The following MACROD2 variants were observed in gnomAD, a reference collection of about 807,000 sequenced individuals.
MACROD2 encodes ADP-ribose glycohydrolase MACROD2.
MACROD2 carries 36 observed loss-of-function variants against 70.4 expected under a neutral mutation model. The ratio of observed to expected loss-of-function variants is 0.51; its 90% CI spans 0.39 to 0.68. MACROD2 has a LOEUF of 0.68. MACROD2 is among the 30% of genes least tolerant of loss of function. The probability of loss-of-function intolerance (pLI) is 0.00; values close to 1 mark genes in which losing one functional copy is unlikely to be tolerated. For missense variants in MACROD2, 496 were observed against 538.4 expected (o/e 0.92, Z 0.78); for synonymous variants, 172 against 178.8 (o/e 0.96, Z 0.30).
At chr20:14,323,597 C>T in intron 3 of MACROD2, 1 of 152,152 alleles carries the variant, frequency 6.6e-6, no homozygotes, top group East Asian at 1.9e-4. Context: ...AGTCCCAACC[C>T]TATAATCATG....
At chr20:14,307,786 G>A (rs1189997828) in intron 3 of MACROD2, among the ~76,000 whole-genome samples, 2 of 151,970 alleles carry the variant, frequency 1.3e-5, no homozygotes, top group Non-Finnish European at 2.9e-5. Context: ...ATTCATTTTG[G>A]TAAATTATTA....
chr20:15,939,946 G>A (rs2065725951), intron 12 of MACROD2, among the ~76,000 whole-genome samples: 1 of 152,136 alleles, frequency 6.6e-6, no homozygotes, highest in South Asian at 2.1e-4. Flanking sequence ...AGAACTAGAA[G>A]TGGAGACTGA....
intron 5 of MACROD2, among the ~76,000 whole-genome samples, chr20:15,076,630 C>T (rs1388462037): frequency 6.6e-6 from 1 of 152,140 alleles, no homozygotes; most frequent in Non-Finnish European, 1.5e-5. Flanking sequence ...AATATGTTTT[C>T]TGTCACTTTT....
chr20:15,459,865 C>A (rs776464394), intron 7 of MACROD2, among the ~76,000 whole-genome samples: 3 of 151,722 alleles, frequency 2.0e-5, no homozygotes, highest in Non-Finnish European at 4.4e-5. Context: ...CTTTTGGGGG[C>A]CACCCTTCTC....
rs56698663 is a variant in MACROD2 at position 15,642,597 on chromosome 20, A to AACACAC, written c.645+142789_645+142794dup. 8.2e-5 allele frequency among the ~76,000 whole-genome samples: 12 copies of AACACAC among 147,108 alleles called. No homozygotes were observed. In the South Asian group the frequency reaches 1.8e-3, roughly 22 times the overall value. On this transcript the variant is annotated intron_variant, in intron 8 of 17. Coordinates refer to ENST00000684519, the MANE Select transcript of MACROD2 (RefSeq NM_001351661.2). ...AGTAGGGAACTGTGTACCTGTCATG[A>AACACAC]ACACACACACACACACACACACACA...
At chr20:15,193,637 C>T (rs765060116) in intron 5 of MACROD2, among the ~76,000 whole-genome samples, 5 of 151,992 alleles carry the variant, frequency 3.3e-5, no homozygotes, top group Admixed American at 2.0e-4. Flanking sequence ...CAGAACAAAA[C>T]CCTGACTCAA....
At chr20:14,734,014 G>C (rs2071628284) in intron 5 of MACROD2, among the ~76,000 whole-genome samples, 1 of 151,946 alleles carries the variant, frequency 6.6e-6, no homozygotes, top group South Asian at 2.1e-4. Context: ...ACTGTATGTA[G>C]GCACTTTCAA....
chr20:14,823,694 C>T (rs1241459625), intron 5 of MACROD2, among the ~76,000 whole-genome samples: 1 of 152,096 alleles, frequency 6.6e-6, no homozygotes, highest in Non-Finnish European at 1.5e-5. Flanking sequence ...ATGACCATAC[C>T]TTGCTGACGG....
At chr20:14,956,718 G>C (rs150061879) in intron 5 of MACROD2, among the ~76,000 whole-genome samples, 3 of 152,270 alleles carry the variant, frequency 2.0e-5, no homozygotes, top group Admixed American at 2.0e-4. Context: ...TCATGAGTAA[G>C]TTGTTTTTAA....
intron 2 of MACROD2, among the ~76,000 whole-genome samples, chr20:14,012,250 C>A (rs981921814): frequency 1.6e-4 from 25 of 152,160 alleles, no homozygotes; most frequent in African/African-American, 5.8e-4. Flanking sequence ...ACATATCAAA[C>A]CATCCTTTGC....
intron 3 of MACROD2, among the ~76,000 whole-genome samples, chr20:14,088,937 A>C (rs181499126): frequency 3.3e-5 from 5 of 152,334 alleles, no homozygotes; most frequent in Admixed American, 1.3e-4. Context: ...TTTTGGGAGT[A>C]ATTATTGAAA....
intron 5 of MACROD2, among the ~76,000 whole-genome samples, chr20:14,934,459 A>T (rs2074323112): frequency 6.6e-6 from 1 of 152,150 alleles, no homozygotes; most frequent in African/African-American, 2.4e-5. Context: ...GGTCTCAGCA[A>T]AAACAACACA....
intron 12 of MACROD2, among the ~76,000 whole-genome samples, chr20:15,945,477 C>A (rs2065809443): frequency 6.6e-6 from 1 of 152,192 alleles, no homozygotes; most frequent in Non-Finnish European, 1.5e-5. Context: ...CTGCAATAGA[C>A]ATCTTTGCAC....
intron 3 of MACROD2, among the ~76,000 whole-genome samples, chr20:14,092,404 A>G (rs1014409463): frequency 1.3e-5 from 2 of 152,108 alleles, no homozygotes; most frequent in Non-Finnish European, 2.9e-5. Context: ...CCCCACCCTA[A>G]ATCATATTGA....
At chr20:15,522,056 G>A (rs1283146097) in intron 8 of MACROD2, among the ~76,000 whole-genome samples, 1 of 152,216 alleles carries the variant, frequency 6.6e-6, no homozygotes, top group East Asian at 1.9e-4. Flanking sequence ...TTGAAATGGA[G>A]AAGATAATGT....
At chr20:15,792,532 A>G (rs1425182014) in intron 8 of MACROD2, among the ~76,000 whole-genome samples, 1 of 152,206 alleles carries the variant, frequency 6.6e-6, no homozygotes, top group East Asian at 1.9e-4. Context: ...TGAAAAAGAA[A>G]TACAAATGGA....
At chr20:15,368,273 G>A (rs1304373830) in intron 6 of MACROD2, among the ~76,000 whole-genome samples, 1 of 151,892 alleles carries the variant, frequency 6.6e-6, no homozygotes, top group Non-Finnish European at 1.5e-5. Context: ...CCATCAATTG[G>A]TGTTCTTTAA....
intron 6 of MACROD2, among the ~76,000 whole-genome samples, chr20:15,230,378 AG>A: frequency 6.6e-6 from 1 of 152,318 alleles, no homozygotes; most frequent in East Asian, 1.9e-4. Context: ...GCAGATTTAA[AG>A]AAGGAAAATA....
chr20:15,617,217 G>A (rs200748), intron 8 of MACROD2, among the ~76,000 whole-genome samples: 77,850 of 151,972 alleles, frequency 0.51, 21,699 homozygotes, highest in African/African-American at 0.75. Flanking sequence ...GAGAGTCAGT[G>A]GGCCTAGTGT....
Sources: allele counts gnomAD v4.1 joint callset (sites outside exome capture counted in the v4.1 genomes callset), GRCh38; gene constraint gnomAD v4.1.1; transcripts MANE v1.5; gene names NCBI Gene and HGNC (gene_info 2026-07-23, HGNC 2026-07-21).